Variants in LRRC27 observed in about 807,000 individuals in gnomAD.
The protein encoded by LRRC27 is leucine-rich repeat-containing protein 27.
In LRRC27, 57 loss-of-function variants were observed where a neutral mutation model predicts 55.0. That is an observed-to-expected ratio of 1.04 (90% CI 0.84 to 1.29). The LOEUF (loss-of-function observed/expected upper bound fraction) is 1.29. LRRC27 is among the 50% of genes most tolerant of loss of function. The pLI is 0.00. For synonymous variants in LRRC27, 278 were observed against 251.9 expected (o/e 1.10, Z -0.98); for missense variants, 721 against 651.5 (o/e 1.11, Z -1.16).
chr10:132,349,051 A>G, intron 6 of LRRC27: 3 of 1,604,720 alleles, frequency 1.9e-6, no homozygotes, highest in South Asian at 1.1e-5. Flanking sequence ...GCCTACACAT[A>G]TGGGAGGTAT....
In LRRC27 at chr10:132,351,619, C is replaced by T; in HGVS notation, c.939C>T (p.Ala313=). 6.2e-7 allele frequency: 1 copy of T among 1,613,036 alleles called. No individual in the cohort carries two copies. Among genetic ancestry groups the T allele is most frequent in the Non-Finnish European group, 8.5e-7 (1 of 1,179,676 alleles). The change falls in exon 7 of 11, where the codon GCC becomes GCT. Residue 313 remains alanine, a synonymous_variant. Coordinates refer to ENST00000368614, the MANE Select transcript of LRRC27 (RefSeq NM_030626.3). The part of the protein sequence containing the change: ...KPRHVFRRKT[A]SSRSILPDLL... The stretch of plus-strand genomic sequence containing the variant: ...TCTGTAATTTTAGAAGGAAGACAGC[C>T]TCCTCCAGGAGCATCTTACCCGACC...
chr10:132,339,310 T>C (rs1411233686), intron 3 of LRRC27, among the ~76,000 whole-genome samples: 1 of 152,230 alleles, frequency 6.6e-6, no homozygotes, highest in Admixed American at 6.5e-5. Flanking sequence ...GTTTTAAAAA[T>C]GTTTTATAAG....
At chr10:132,364,407 C>CA (rs1564853182) in intron 9 of LRRC27, among the ~76,000 whole-genome samples, 9 of 52,772 alleles carry the variant, frequency 1.7e-4, no homozygotes, top group African/African-American at 3.7e-4. Context: ...ACATCTACCT[C>CA]CACACCCGCG....
chr10:132,372,304 C>T lies in LRRC27; in HGVS notation c.1417-2762C>T, dbSNP rs904971749. ...GTGGGGGTCGGGGTGCGGTGACTCA[C>T]GCCTGCAATCCCAGCACTTTGGGAG... On this transcript the variant is annotated intron_variant, in intron 10 of 10. Transcript: ENST00000368614. The surrounding 1 kb of genome is among the most constrained non-coding windows in gnomAD (Gnocchi z 4.0). Among the ~76,000 whole-genome samples, 3 of 152,170 alleles carry T rather than the reference C, an allele frequency of 2.0e-5. No individual in the cohort carries two copies. The highest frequency in any genetic ancestry group is 6.5e-5 in the Admixed American group (1 of 15,278).
chr10:132,330,526 T>C (rs911098304), upstream of LRRC27: 11 of 716,634 alleles, frequency 1.5e-5, no homozygotes, highest in East Asian at 8.1e-5. Context: ...AACTTTTTTT[T>C]TGAGACAGGG....
chr10:132,366,725 C>T lies in LRRC27; in HGVS notation c.1416+1175C>T, dbSNP rs1160830133. 28 of 716,432 alleles carry T rather than the reference C, an allele frequency of 3.9e-5. 1 individual carries two copies. Among genetic ancestry groups the T allele is most frequent in the South Asian group, 6.9e-5 (3 of 43,448 alleles). The allele number at this position is 716,432 out of a possible 1,614,324, so 44.4% of individuals were successfully genotyped here. On this transcript the variant is annotated intron_variant, in intron 10 of 10. Coordinates refer to ENST00000368614, the MANE Select transcript of LRRC27 (RefSeq NM_030626.3). ...CAGGTCAGGCTGGTGCGAGCTGCAT[C>T]GGGGCTGCCCCCAGAGCACGCAGCA... is the stretch of plus-strand genomic sequence containing the variant.
rs1222665855 is a variant in LRRC27, at chr10:132,375,419, T to A, written c.*177T>A. 1.8e-6 allele frequency: 1 copy of A among 564,000 alleles called. No homozygotes were observed. The highest frequency in any genetic ancestry group is 3.1e-6 in the Non-Finnish European group (1 of 325,562). The allele number at this position is 564,000 out of a possible 1,614,324, so 34.9% of individuals were successfully genotyped here. ...GGTCCACGTCCCTCTCCTGAGGCTGTGGAAGATTTCAGCCGTATTAAAAGA... is the reference window on the plus strand; with the variant it reads ...GGTCCACGTCCCTCTCCTGAGGCTGAGGAAGATTTCAGCCGTATTAAAAGA... On this transcript the variant is annotated 3_prime_UTR_variant, in exon 11 of 11. Coordinates refer to ENST00000368614, the MANE Select transcript of LRRC27 (RefSeq NM_030626.3).
Position 132,375,314 on chromosome 10 carries a change from C to T in LRRC27, c.*72C>T. On this transcript the variant is annotated 3_prime_UTR_variant, in exon 11 of 11. Coordinates refer to ENST00000368614, the MANE Select transcript of LRRC27 (RefSeq NM_030626.3). ...CAGTCTTCTTTCCCGGGCGTCGCCTCCTGTGTGGTGCCGGAAGAGCGCCAG... is the reference window on the plus strand; with the variant it reads ...CAGTCTTCTTTCCCGGGCGTCGCCTTCTGTGTGGTGCCGGAAGAGCGCCAG... 7.0e-7 allele frequency: 1 copy of T among 1,432,056 alleles called. No individual in the cohort carries two copies. Among genetic ancestry groups the T allele is most frequent in the Non-Finnish European group, 9.5e-7 (1 of 1,052,020 alleles). The allele number at this position is 1,432,056 out of a possible 1,614,324, so 88.7% of individuals were successfully genotyped here. A position where few individuals can be genotyped will look rare whatever the true frequency, so the allele number is the denominator to read the frequency against.
intron 7 of LRRC27, among the ~76,000 whole-genome samples, chr10:132,354,332 G>A (rs2474327): frequency 0.38 from 58,313 of 152,124 alleles, 11,418 homozygotes; most frequent in Middle Eastern, 0.43. Context: ...GCCCAGACCC[G>A]GCACAGCCCC....
At chr10:132,352,069 GCGCAGGTGCAGCGCTCCGTGTGGGGCAGA>G (rs2068050157) in intron 7 of LRRC27, among the ~76,000 whole-genome samples, 1 of 103,952 alleles carries the variant, frequency 9.6e-6, no homozygotes, top group Non-Finnish European at 2.2e-5. Context: ...TGTGGGGCAG[GCGCAGGTGCAGCGCTCCGTGTGGGGCAGA>G]TGCTGAGGCC....
chr10:132,378,814 C>T lies in LRRC27; in HGVS notation c.*3572C>T, dbSNP rs1455100909. The T allele has an allele frequency of 6.6e-6, 1 of 152,666 alleles. No individual in the cohort carries two copies. Among genetic ancestry groups the T allele is most frequent in the Non-Finnish European group, 1.5e-5 (1 of 68,258 alleles). 9.5% of individuals were successfully genotyped at this position (152,666 alleles called of 1,614,324 possible). ...GTCTTTCCTCGGCCGAGTCAGGCTT[C>T]CTGGTGAGCCTCAGGGAGTGCATGG... On this transcript the variant is annotated 3_prime_UTR_variant, in exon 11 of 11. Coordinates refer to ENST00000368614, the MANE Select transcript of LRRC27 (RefSeq NM_030626.3).
At position 132,381,283 on chromosome 10, in the gene LRRC27, T is replaced by G. The variant is rs2069407384; in HGVS notation, c.*6041T>G. 6.6e-6 allele frequency among the ~76,000 whole-genome samples: 1 copy of G among 152,214 alleles called. No homozygotes were observed. Among genetic ancestry groups the G allele is most frequent in the Admixed American group, 6.5e-5 (1 of 15,288 alleles). On this transcript the variant is annotated 3_prime_UTR_variant, in exon 11 of 11. Coordinates refer to ENST00000368614, the MANE Select transcript of LRRC27 (RefSeq NM_030626.3). ...CCTTGAACATCAGACTCCAAGTTCT[T>G]TAGCTTTTGGACTCTTGGACCTACA...
At position 132,348,877 on chromosome 10, in the gene LRRC27, C is replaced by T; in HGVS notation, c.926+521C>T. On this transcript the variant is annotated intron_variant, in intron 6 of 10. Coordinates refer to ENST00000368614, the MANE Select transcript of LRRC27 (RefSeq NM_030626.3). The surrounding 1 kb of genome is among the most constrained non-coding windows in gnomAD (Gnocchi z 4.2). ...TGCCTGGGGACAAAAGGAAGGCAGT[C>T]ATTGTGTGGCCCACTTCCAAAGCTT... The T allele has an allele frequency of 2.2e-6, 2 of 893,162 alleles. No homozygotes were observed. The highest frequency in any genetic ancestry group is 3.5e-6 in the Non-Finnish European group (2 of 563,442). The allele number at this position is 893,162 out of a possible 1,614,324, so 55.3% of individuals were successfully genotyped here.
rs922440717 is a variant in LRRC27, at chr10:132,377,383, T to C, written c.*2141T>C. 4 of 152,210 alleles carry C rather than the reference T, an allele frequency of 2.6e-5. No homozygotes were observed. The highest frequency in any genetic ancestry group is 9.7e-5 in the African/African-American group (4 of 41,446). 9.4% of individuals were successfully genotyped at this position (152,210 alleles called of 1,614,324 possible). ...GTATTAGAGTTTTAGTAATATCTTT[T>C]AATATTATTCTCTTGGGTGTTGCCT... On this transcript the variant is annotated 3_prime_UTR_variant, in exon 11 of 11. Coordinates refer to ENST00000368614, the MANE Select transcript of LRRC27 (RefSeq NM_030626.3).
rs2069401652 is a variant in LRRC27 at position 132,380,790 on chromosome 10, A to G, written c.*5548A>G. ...AAAGAGCTCCTGAGAAGCAGAGAAA[A>G]GTCATGACATTTCAAGAAAAAGTTG... On this transcript the variant is annotated 3_prime_UTR_variant, in exon 11 of 11. Coordinates refer to ENST00000368614, the MANE Select transcript of LRRC27 (RefSeq NM_030626.3). Among the ~76,000 whole-genome samples the G allele has an allele frequency of 6.6e-6, 1 of 152,264 alleles. No individual in the cohort carries two copies. The highest frequency in any genetic ancestry group is 1.5e-5 in the Non-Finnish European group (1 of 68,050).
At chr10:132,337,320 T>C in intron 2 of LRRC27, 1 of 1,311,690 alleles carries the variant, frequency 7.6e-7, no homozygotes, top group Non-Finnish European at 9.7e-7. Context: ...AGCAGCAGAG[T>C]GCCGGCTCTT....
chr10:132,330,263 ATAAC>A (rs2138510388), upstream of LRRC27: 3 of 574,160 alleles, frequency 5.2e-6, no homozygotes, highest in South Asian at 6.4e-5. Context: ...TGAGGCAACA[ATAAC>A]AAGCAAGAGG....
intron 3 of LRRC27, among the ~76,000 whole-genome samples, chr10:132,338,129 A>G (rs569564765): frequency 1.2e-4 from 18 of 152,334 alleles, no homozygotes; most frequent in African/African-American, 4.3e-4. Context: ...CAGCCTGGCC[A>G]ACATGGCAAA....
chr10:132,348,929 G>C lies in LRRC27; in HGVS notation c.926+573G>C, dbSNP rs533758434. 1 of 1,506,220 alleles carries C rather than the reference G, an allele frequency of 6.6e-7. No homozygotes were observed. The highest frequency in any genetic ancestry group is 9.1e-7 in the Non-Finnish European group (1 of 1,101,600). 93.3% of individuals were successfully genotyped at this position (1,506,220 alleles called of 1,614,324 possible). ...CCTTTGCCTTTGGTACAGTGAGTTT[G>C]GGGGCCGAGATTTTATTTTCCTTTC... On this transcript the variant is annotated intron_variant, in intron 6 of 10. Coordinates refer to ENST00000368614, the MANE Select transcript of LRRC27 (RefSeq NM_030626.3). This position sits in a 1 kb window ranked among gnomAD's most constrained non-coding sequence, Gnocchi z 4.2.
Sources: gnomAD v4.1 joint callset for allele counts (sites outside exome capture counted in the v4.1 genomes callset) on GRCh38, gnomAD v4.1.1 for gene constraint, Gnocchi (gnomAD v3.1) non-coding constraint, MANE v1.5 for transcripts, NCBI Gene and HGNC (gene_info 2026-07-23, HGNC 2026-07-21) for gene names.